The following TENM3 variants were observed in gnomAD, a reference collection of about 807,000 sequenced individuals.
The protein encoded by TENM3 is teneurin transmembrane protein 3, also known as teneurin-3.
Under a neutral mutation model 255.1 loss-of-function variants are expected in TENM3, and 63 were observed. The ratio of observed to expected loss-of-function variants is 0.25; its 90% CI spans 0.20 to 0.30. The LOEUF (loss-of-function observed/expected upper bound fraction) is 0.30. Ranked by LOEUF, TENM3 falls within the 10% of genes least tolerant of loss-of-function variation. The pLI is 1.00. For missense variants in TENM3, 2,929 were observed against 3,461.1 expected (o/e 0.85, Z 3.86); for synonymous variants, 1,306 against 1,322.3 (o/e 0.99, Z 0.27).
At chr4:182,043,865 G>A in the TENM3 span, among the ~76,000 whole-genome samples, 1 of 152,104 alleles carries the variant, frequency 6.6e-6, no homozygotes, top group Non-Finnish European at 1.5e-5. Flanking sequence ...TAGAAAAAGC[G>A]CTCCCTACGA....
At chr4:182,134,489 C>T in the TENM3 span, among the ~76,000 whole-genome samples, 1 of 152,056 alleles carries the variant, frequency 6.6e-6, no homozygotes, top group Non-Finnish European at 1.5e-5. Context: ...AGCTCATAAT[C>T]TTCTCATGGC....
At chr4:181,861,630 T>G in the TENM3 span, among the ~76,000 whole-genome samples, 1 of 152,148 alleles carries the variant, frequency 6.6e-6, no homozygotes, top group Admixed American at 6.6e-5. Flanking sequence ...GTCCATGACT[T>G]GTCAAAATGG....
At chr4:182,093,975 A>C in the TENM3 span, among the ~76,000 whole-genome samples, 2 of 152,202 alleles carry the variant, frequency 1.3e-5, no homozygotes, top group Non-Finnish European at 2.9e-5. Context: ...ATAATTTTTA[A>C]CATTTTTAAT....
At chr4:181,931,588 G>A in the TENM3 span, among the ~76,000 whole-genome samples, 1 of 152,122 alleles carries the variant, frequency 6.6e-6, no homozygotes, top group Admixed American at 6.6e-5. Context: ...TGGCCATACT[G>A]CCCAAAGTAA....
At chr4:182,449,982 C>G (rs1773313840) in intron 3 of TENM3, among the ~76,000 whole-genome samples, 1 of 152,220 alleles carries the variant, frequency 6.6e-6, no homozygotes, top group Non-Finnish European at 1.5e-5. Flanking sequence ...GCTGGCGTCT[C>G]TGTCTCTCTG....
rs115282697 is a variant in TENM3, at chr4:182,593,683, C to T, written c.512-7241C>T. ...GCAGTGACACCTTTCCAACTGTGCACACCTGCTGAAAGCGAATGCCAGCCC... is the reference window on the plus strand; with the variant it reads ...GCAGTGACACCTTTCCAACTGTGCATACCTGCTGAAAGCGAATGCCAGCCC... On this transcript the variant is annotated intron_variant, in intron 3 of 27. Transcript: ENST00000511685. Among the ~76,000 whole-genome samples, 399 of 152,282 alleles carry T rather than the reference C, an allele frequency of 2.6e-3. 2 individuals carry two copies. Among genetic ancestry groups the T allele is most frequent in the African/African-American group, 9.1e-3 (379 of 41,562 alleles).
the TENM3 span, among the ~76,000 whole-genome samples, chr4:181,872,980 T>A: frequency 6.6e-6 from 1 of 152,182 alleles, no homozygotes; most frequent in African/African-American, 2.4e-5. Flanking sequence ...TTCCTTTCAT[T>A]TTCTTACTTT....
the TENM3 span, among the ~76,000 whole-genome samples, chr4:181,624,982 A>T: frequency 6.6e-6 from 1 of 152,354 alleles, no homozygotes; most frequent in East Asian, 1.9e-4. Context: ...ATCTCAGAGC[A>T]ACAAGAGGGA....
the TENM3 span, among the ~76,000 whole-genome samples, chr4:181,536,091 G>A: frequency 6.6e-6 from 1 of 152,082 alleles, no homozygotes; most frequent in Non-Finnish European, 1.5e-5. Flanking sequence ...AACCATCTCC[G>A]ACTTGTTTGC....
the TENM3 span, among the ~76,000 whole-genome samples, chr4:181,480,720 C>T: frequency 5.0e-4 from 75 of 149,292 alleles, no homozygotes; most frequent in Middle Eastern, 3.7e-3. Context: ...TATAAAACCA[C>T]GCATATAGTT....
chr4:181,605,408 C>T, the TENM3 span, among the ~76,000 whole-genome samples: 15 of 149,690 alleles, frequency 1.0e-4, no homozygotes, highest in Admixed American at 2.0e-4. Context: ...CGCCCCACGA[C>T]GCTCCAGCCT....
At chr4:181,834,683 G>A in the TENM3 span, among the ~76,000 whole-genome samples, 9 of 152,278 alleles carry the variant, frequency 5.9e-5, no homozygotes, top group South Asian at 2.1e-4. Flanking sequence ...TACACCAACC[G>A]CTCTTCAAGA....
chr4:182,384,158 T>G (rs1767749066), intron 3 of TENM3, among the ~76,000 whole-genome samples: 1 of 152,162 alleles, frequency 6.6e-6, no homozygotes, highest in Non-Finnish European at 1.5e-5. Context: ...TCTTTCACAC[T>G]CACCCTGTGA....
chr4:182,326,097 G>T (rs73009407), intron 2 of TENM3, among the ~76,000 whole-genome samples: 278 of 152,346 alleles, frequency 1.8e-3, no homozygotes, highest in African/African-American at 6.4e-3. Context: ...AAAGAGAAAG[G>T]GCGCCAGGCG....
At chr4:182,285,909 A>G (rs1258590372) in intron 1 of TENM3, among the ~76,000 whole-genome samples, 3 of 152,208 alleles carry the variant, frequency 2.0e-5, no homozygotes, top group Non-Finnish European at 4.4e-5. Flanking sequence ...ATAAATAATA[A>G]TTACAATCGA....
the TENM3 span, among the ~76,000 whole-genome samples, chr4:181,471,665 T>A: frequency 0.016 from 2,462 of 152,316 alleles, 65 homozygotes; most frequent in African/African-American, 0.052. Flanking sequence ...ATTGGATACT[T>A]GTAGCTATCC....
At chr4:182,280,224 G>A (rs551521217) in intron 1 of TENM3, among the ~76,000 whole-genome samples, 1 of 152,286 alleles carries the variant, frequency 6.6e-6, no homozygotes, top group South Asian at 2.1e-4. Flanking sequence ...TAGGCTCTCA[G>A]TTTCCCCCAC....
intron 2 of TENM3, among the ~76,000 whole-genome samples, chr4:182,330,347 T>C (rs1293446721): frequency 1.3e-5 from 2 of 152,118 alleles, no homozygotes; most frequent in East Asian, 3.9e-4. Context: ...ACACAGGGAT[T>C]GAATGGTGAT....
chr4:181,943,617 A>G, the TENM3 span, among the ~76,000 whole-genome samples: 7 of 152,196 alleles, frequency 4.6e-5, no homozygotes, highest in African/African-American at 9.7e-5. Context: ...TTTGATGCAT[A>G]AACAGATTCT....
Sources: gnomAD v4.1 joint callset for allele counts (sites outside exome capture counted in the v4.1 genomes callset) on GRCh38, gnomAD v4.1.1 for gene constraint, MANE v1.5 for transcripts, NCBI Gene and HGNC (gene_info 2026-07-23, HGNC 2026-07-21) for gene names.